AGBL1: variants seen among roughly 807,000 people sequenced by gnomAD.
The protein encoded by AGBL1 is AGBL carboxypeptidase 1, also known as cytosolic carboxypeptidase 4.
Under a neutral mutation model 118.9 loss-of-function variants are expected in AGBL1, and 130 were observed. The ratio of observed to expected loss-of-function variants is 1.09; its 90% CI spans 0.95 to 1.26. The LOEUF (loss-of-function observed/expected upper bound fraction) is 1.26, where lower values mean the gene tolerates loss of function less well. Ranked by LOEUF, AGBL1 falls within the 50% of genes most tolerant of loss-of-function variation. The pLI is 0.00. For synonymous variants in AGBL1, 555 were observed against 478.9 expected, an observed-to-expected ratio of 1.16 and a Z score of -2.08; for missense variants, 1,584 against 1,298.1, an observed-to-expected ratio of 1.22 and a Z score of -3.38.
intron 5 of AGBL1, among the ~76,000 whole-genome samples, chr15:86,160,465 G>A (rs182429264): frequency 5.3e-5 from 8 of 152,148 alleles, no homozygotes; most frequent in African/African-American, 1.9e-4. Context: ...GTTCTAAGAA[G>A]CCATGGTAGT....
intron 1 of AGBL1, among the ~76,000 whole-genome samples, chr15:86,123,065 G>GA (rs918918540): frequency 2.6e-5 from 4 of 152,288 alleles, no homozygotes; most frequent in African/African-American, 7.2e-5. Flanking sequence ...CGGTTGTGGG[G>GA]AAAATCTGCA....
At chr15:86,110,252 G>T (rs1481056583) in intron 1 of AGBL1, among the ~76,000 whole-genome samples, 1 of 152,172 alleles carries the variant, frequency 6.6e-6, no homozygotes, top group East Asian at 1.9e-4. Context: ...GAAAATCCAT[G>T]TATAAGTTTT....
At chr15:87,012,583 A>G (rs1051024921) in intron 24 of AGBL1, among the ~76,000 whole-genome samples, 7 of 152,116 alleles carry the variant, frequency 4.6e-5, no homozygotes, top group African/African-American at 1.7e-4. Context: ...GTGGTAAGGA[A>G]AGGAATACTG....
chr15:86,919,973 T>C (rs1390143013), downstream of AGBL1, among the ~76,000 whole-genome samples: 4 of 152,264 alleles, frequency 2.6e-5, no homozygotes, highest in East Asian at 7.7e-4. Context: ...TATCAGTACC[T>C]GTACCTCAGT....
rs557724742 is a variant in AGBL1, at chr15:86,151,070, G to A, written c.263-3360G>A. The stretch of plus-strand genomic sequence containing the variant: ...TCGCAAGAACAAAAAAACAAACACC[G>A]CATATTCTTACTCATAGGTGGGAAT... On this transcript the variant is annotated intron_variant, in intron 3 of 22. Coordinates refer to ENST00000614907, the MANE Select transcript of AGBL1 (RefSeq NM_001386094.1). 7.3e-5 allele frequency among the ~76,000 whole-genome samples: 11 copies of A among 150,992 alleles called. No homozygotes were observed. The South Asian group carries it at 1.1e-3, about 14-fold the overall frequency.
chr15:86,724,252 A>AAAAAAG (rs1400309613), intron 22 of AGBL1, among the ~76,000 whole-genome samples: 2 of 151,436 alleles, frequency 1.3e-5, no homozygotes, highest in East Asian at 2.0e-4. Context: ...AAAAAAAAAA[A>AAAAAAG]AAGAAGGTGT....
intron 17 of AGBL1, among the ~76,000 whole-genome samples, chr15:86,369,648 G>A (rs1045998241): frequency 6.6e-6 from 1 of 151,934 alleles, no homozygotes; most frequent in Non-Finnish European, 1.5e-5. Flanking sequence ...AAATGAAATC[G>A]ATCTCCATCT....
At chr15:86,184,654 G>T (rs1228299068) in intron 5 of AGBL1, among the ~76,000 whole-genome samples, 4 of 152,042 alleles carry the variant, frequency 2.6e-5, no homozygotes, top group African/African-American at 9.7e-5. Context: ...ATTTCTTGGA[G>T]GCTTTGTTCA....
intron 5 of AGBL1, among the ~76,000 whole-genome samples, chr15:86,176,777 C>T (rs1051894546): frequency 1.3e-5 from 2 of 152,126 alleles, no homozygotes; most frequent in African/African-American, 4.8e-5. Flanking sequence ...GGAACAATGT[C>T]ATGGTATGAA....
chr15:86,949,385 C>T (rs2080856195), intron 23 of AGBL1, among the ~76,000 whole-genome samples: 1 of 152,068 alleles, frequency 6.6e-6, no homozygotes, highest in Admixed American at 6.6e-5. Flanking sequence ...TGTAACTGCT[C>T]CACCCTTCAG....
intron 22 of AGBL1, among the ~76,000 whole-genome samples, chr15:86,755,886 A>T: frequency 6.6e-6 from 1 of 152,238 alleles, no homozygotes; most frequent in East Asian, 1.9e-4. Context: ...TACCAGGGCA[A>T]TCAGTCAGAT....
chr15:86,802,052 C>T (rs898154159), intron 22 of AGBL1, among the ~76,000 whole-genome samples: 2 of 152,078 alleles, frequency 1.3e-5, no homozygotes, highest in Non-Finnish European at 1.5e-5. Flanking sequence ...ATCTTGAAAA[C>T]ATTTTTGATG....
At chr15:86,877,023 G>T (rs1163310168) in intron 22 of AGBL1, among the ~76,000 whole-genome samples, 1 of 152,132 alleles carries the variant, frequency 6.6e-6, no homozygotes, top group Admixed American at 6.5e-5. Context: ...AAAGCATTCA[G>T]AGATCAATTC....
chr15:86,255,706 C>T (rs1271360151), intron 7 of AGBL1, among the ~76,000 whole-genome samples: 11 of 152,130 alleles, frequency 7.2e-5, no homozygotes, highest in Admixed American at 2.6e-4. Context: ...TGCTTGAACC[C>T]GGGAGGTGGA....
At chr15:86,989,239 T>C (rs1024273456) in intron 24 of AGBL1, among the ~76,000 whole-genome samples, 1 of 152,032 alleles carries the variant, frequency 6.6e-6, no homozygotes, top group African/African-American at 2.4e-5. Context: ...GACCTCAAGT[T>C]ATCATCTTAC....
chr15:86,237,952 C>T (rs1472083951), intron 6 of AGBL1, among the ~76,000 whole-genome samples: 1 of 152,092 alleles, frequency 6.6e-6, no homozygotes, highest in African/African-American at 2.4e-5. Context: ...TTGTACTTAC[C>T]AAGTTTTTGC....
At position 86,772,654 on chromosome 15, in the gene AGBL1, G is replaced by C. The variant is rs557176666; in HGVS notation, c.3158+98218G>C. Among the ~76,000 whole-genome samples the C allele has an allele frequency of 3.9e-5, 6 of 152,112 alleles. No homozygotes were observed. In the South Asian group the frequency reaches 1.2e-3, roughly 32 times the overall value. On this transcript the variant is annotated intron_variant, in intron 22 of 22. Transcript: ENST00000614907. ...TATTTAATGGCCAAATAGGAAATAA[G>C]GGGTCTGAAAATGAAGACACAGAAT...
At chr15:86,981,035 C>T (rs912310469) in intron 23 of AGBL1, among the ~76,000 whole-genome samples, 10 of 151,956 alleles carry the variant, frequency 6.6e-5, no homozygotes, top group Non-Finnish European at 1.3e-4. Flanking sequence ...TACAGGCGCA[C>T]GCTGCCACCC....
intron 24 of AGBL1, among the ~76,000 whole-genome samples, chr15:86,997,768 A>T (rs147316503): frequency 2.0e-5 from 3 of 151,802 alleles, no homozygotes; most frequent in Non-Finnish European, 2.9e-5. Flanking sequence ...CCTTTTTTTT[A>T]AAAGAGACTT....
Sources: allele counts gnomAD v4.1 joint callset (sites outside exome capture counted in the v4.1 genomes callset), GRCh38; gene constraint gnomAD v4.1.1; transcripts MANE v1.5; gene names NCBI Gene and HGNC (gene_info 2026-07-23, HGNC 2026-07-21).